The following TSHR variants were observed in gnomAD, a reference collection of about 807,000 sequenced individuals.
TSHR encodes thyroid stimulating hormone receptor, also known as thyrotropin receptor.
Under a neutral mutation model 64.1 loss-of-function variants are expected in TSHR, and 51 were observed. The ratio of observed to expected loss-of-function variants is 0.80; its 90% CI spans 0.64 to 1.01. TSHR has a LOEUF of 1.01. Among genes scored for constraint, TSHR ranks in the 50% least tolerant of loss-of-function variants. The pLI is 0.00. For missense variants in TSHR, 877 were observed against 942.8 expected, an observed-to-expected ratio of 0.93 and a Z score of 0.91; for synonymous variants, 361 against 361.9, an observed-to-expected ratio of 1.00 and a Z score of 0.03.
intron 8 of TSHR, among the ~76,000 whole-genome samples, chr14:81,114,050 C>G (rs556057457): frequency 6.6e-6 from 1 of 150,998 alleles, no homozygotes; most frequent in South Asian, 2.1e-4. Flanking sequence ...TCCACTCACT[C>G]AACTCATAGA....
intron 7 of TSHR, among the ~76,000 whole-genome samples, chr14:81,105,804 C>T (rs576385607): frequency 6.6e-6 from 1 of 152,208 alleles, no homozygotes; most frequent in South Asian, 2.1e-4. Flanking sequence ...TTCACCGGCT[C>T]TTACTTGATT....
intron 1 of TSHR, among the ~76,000 whole-genome samples, chr14:81,002,345 C>T (rs2139761053): frequency 6.6e-6 from 1 of 152,182 alleles, no homozygotes; most frequent in African/African-American, 2.4e-5. Context: ...AATTCAAATC[C>T]TATCTCTAAA....
intron 7 of TSHR, among the ~76,000 whole-genome samples, chr14:81,100,417 A>G (rs1889502844): frequency 6.6e-6 from 1 of 152,202 alleles, no homozygotes; most frequent in Non-Finnish European, 1.5e-5. Flanking sequence ...TTTTGACACC[A>G]AATGTTTGGA....
chr14:80,978,094 AACACACAC>A (rs60697218), intron 1 of TSHR, among the ~76,000 whole-genome samples: 23,065 of 146,358 alleles, frequency 0.16, 2,187 homozygotes, highest in Admixed American at 0.25. Context: ...ACATCCCTCC[AACACACAC>A]ACACACACAC....
chr14:80,994,815 C>CA (rs1228312083), intron 1 of TSHR: 1 of 152,142 alleles, frequency 6.6e-6, no homozygotes, highest in Non-Finnish European at 1.5e-5. Context: ...AGGACGTAGG[C>CA]ACGGGCAAAG....
At chr14:81,009,327 C>T (rs889773791) in intron 1 of TSHR, among the ~76,000 whole-genome samples, 1 of 152,134 alleles carries the variant, frequency 6.6e-6, no homozygotes, top group Non-Finnish European at 1.5e-5. Context: ...CATATACTGG[C>T]TACACTGCAT....
intron 1 of TSHR, chr14:80,982,376 G>C (rs1888218412): frequency 1.6e-6 from 2 of 1,266,602 alleles, no homozygotes; most frequent in African/African-American, 1.5e-5. Context: ...GAAGAGGCTG[G>C]TAATCATTCC....
intron 1 of TSHR, among the ~76,000 whole-genome samples, chr14:81,033,781 G>T (rs138977523): frequency 3.0e-4 from 46 of 152,214 alleles, no homozygotes; most frequent in Non-Finnish European, 5.4e-4. Context: ...AAAAGCAAAA[G>T]TTCACTTAAA....
chr14:81,131,583 T>C (rs182371649), intron 8 of TSHR, among the ~76,000 whole-genome samples: 33 of 152,326 alleles, frequency 2.2e-4, no homozygotes, highest in South Asian at 1.0e-3. Context: ...GCCTCCTTGC[T>C]TCCTCAAATA....
rs551912255 is a variant in TSHR at position 81,088,616 on chromosome 14, A to G, written c.392+588A>G. The stretch of plus-strand genomic sequence containing the variant: ...GCCTAGTACAGAGTAGGCGCTCAGT[A>G]CAAATGTGTTCAGTGGATGTGTCTG... On this transcript the variant is annotated intron_variant, in intron 4 of 9. Transcript: ENST00000298171. Among the ~76,000 whole-genome samples the G allele has an allele frequency of 2.0e-5, 3 of 152,330 alleles. No individual in the cohort carries two copies. In the East Asian group the frequency reaches 5.8e-4, roughly 29 times the overall value.
intron 1 of TSHR, among the ~76,000 whole-genome samples, chr14:81,025,391 C>T (rs559278920): frequency 6.6e-6 from 1 of 151,978 alleles, no homozygotes; most frequent in Admixed American, 6.6e-5. Flanking sequence ...ATTAAACTTG[C>T]AGTTCAAAGA....
intron 1 of TSHR, among the ~76,000 whole-genome samples, chr14:80,984,558 T>C (rs1459533020): frequency 6.6e-6 from 1 of 152,222 alleles, no homozygotes; most frequent in Non-Finnish European, 1.5e-5. Flanking sequence ...CTGTTTTATC[T>C]GACACCAGAA....
At chr14:81,067,927 C>CTATATATACA (rs1555376250) in intron 2 of TSHR, among the ~76,000 whole-genome samples, 1 of 95,788 alleles carries the variant, frequency 1.0e-5, no homozygotes, top group African/African-American at 5.9e-5. Flanking sequence ...CAGGGTGACA[C>CTATATATACA]TATATATATA....
rs1358907489 is a variant in TSHR at position 81,145,351 on chromosome 14, G to T, written c.*998G>T. ...TCTGTTTTTCCTATTTTGTAGGGCT[G>T]CTGACTCCTAGTCCTTGAAGCCTAG... On this transcript the variant is annotated 3_prime_UTR_variant, in exon 10 of 10. Coordinates refer to ENST00000298171, the MANE Select transcript of TSHR (RefSeq NM_000369.5). 1 of 232,994 alleles carries T rather than the reference G, an allele frequency of 4.3e-6. No homozygotes were observed. The highest frequency in any genetic ancestry group is 2.2e-5 in the African/African-American group (1 of 45,338). The allele number at this position is 232,994 out of a possible 1,614,324, so 14.4% of individuals were successfully genotyped here.
intron 8 of TSHR, among the ~76,000 whole-genome samples, chr14:81,132,170 C>G (rs1049878396): frequency 2.6e-5 from 4 of 152,060 alleles, no homozygotes; most frequent in African/African-American, 9.7e-5. Context: ...TTTCATTTAC[C>G]AATTTACAGA....
intron 9 of TSHR, among the ~76,000 whole-genome samples, chr14:81,141,350 T>C (rs183414474): frequency 1.1e-4 from 17 of 152,306 alleles, no homozygotes; most frequent in African/African-American, 4.1e-4. Context: ...AGCAAGTCCA[T>C]TGGACATTTT....
At chr14:81,008,955 T>C (rs1889763145) in intron 1 of TSHR, among the ~76,000 whole-genome samples, 1 of 152,174 alleles carries the variant, frequency 6.6e-6, no homozygotes, top group Non-Finnish European at 1.5e-5. Context: ...ACACACAATT[T>C]TCTTGCTTAC....
At chr14:81,114,902 AC>A (rs1201790365) in intron 8 of TSHR, among the ~76,000 whole-genome samples, 1 of 151,894 alleles carries the variant, frequency 6.6e-6, no homozygotes, top group Non-Finnish European at 1.5e-5. Flanking sequence ...ACTGGGAGGC[AC>A]CCCCCAGCAG....
chr14:81,019,457 CTT>C (rs1166193901), intron 1 of TSHR, among the ~76,000 whole-genome samples: 206 of 118,334 alleles, frequency 1.7e-3, no homozygotes, highest in African/African-American at 5.2e-3. Flanking sequence ...ATCATCAATT[CTT>C]TTTTTTTTTT....
Sources: allele counts gnomAD v4.1 joint callset (sites outside exome capture counted in the v4.1 genomes callset), GRCh38; gene constraint gnomAD v4.1.1; transcripts MANE v1.5; gene names NCBI Gene and HGNC (gene_info 2026-07-23, HGNC 2026-07-21).